Variants in TDRD7 observed in about 807,000 individuals in gnomAD.
TDRD7 encodes the protein tudor domain-containing protein 7.
In TDRD7, 47 loss-of-function variants were observed where a neutral mutation model predicts 109.8. The observed-to-expected ratio is 0.43, with a 90% CI of 0.34 to 0.55. The LOEUF (loss-of-function observed/expected upper bound fraction) is 0.55, where lower values mean the gene tolerates loss of function less well. TDRD7 is among the 20% of genes least tolerant of loss of function. The pLI is 0.03. For missense variants in TDRD7, 1,164 were observed against 1,319.2 expected (o/e 0.88, Z 1.82); for synonymous variants, 424 against 457.3 (o/e 0.93, Z 0.93).
chr9:97,417,475 G>T (rs973808076), intron 1 of TDRD7, among the ~76,000 whole-genome samples: 2 of 152,206 alleles, frequency 1.3e-5, no homozygotes, highest in African/African-American at 4.8e-5. Context: ...AAGAGATGTT[G>T]CTGACACGGA....
rs765068577 is a variant in TDRD7, at chr9:97,473,498, G to A, written c.1951G>A (p.Ala651Thr). Residue 651 changes from alanine to threonine, a missense_variant, in exon 11 of 17, where the codon GCC (alanine) becomes ACC (threonine). By Grantham distance (58) the Ala-to-Thr change is moderately conservative. Around this residue, in one of 5 missense-constraint regions of TDRD7, gnomAD observed 261 missense variants for 336.2 expected, o/e 0.78. Coordinates refer to ENST00000355295, the MANE Select transcript of TDRD7 (RefSeq NM_014290.3). Reference sequence around the variant, plus strand: ...TATCCTTTGTCTGTTATAGGTTGACGCCATGTACACAAATGTCAAAGTAAC... The same window carrying A: ...TATCCTTTGTCTGTTATAGGTTGACACCATGTACACAAATGTCAAAGTAAC... ...KSLEVHLQVD[A>T]MYTNVKVTNI... 24 of 1,613,388 alleles carry A rather than the reference G, an allele frequency of 1.5e-5. No homozygotes were observed. Among genetic ancestry groups the A allele is most frequent in the Non-Finnish European group, 1.9e-5 (22 of 1,179,622 alleles).
chr9:97,428,674 TAAG>T lies in TDRD7; in HGVS notation c.207+6_207+8del. 7 of 1,613,022 alleles carry T rather than the reference TAAG, an allele frequency of 4.3e-6. No individual in the cohort carries two copies. Among genetic ancestry groups the T allele is most frequent in the Non-Finnish European group, 5.9e-6 (7 of 1,179,712 alleles). On this transcript the variant is annotated splice_donor_5th_base_variant and intron_variant, in intron 2 of 16. Transcript: ENST00000355295. The stretch of plus-strand genomic sequence containing the variant: ...ATAGAGACTAGTAGATCTGGAGAGG[TAAG>T]AAGGTAATTGTGCGTGTCAGAAGAA...
intron 6 of TDRD7, among the ~76,000 whole-genome samples, chr9:97,451,414 C>A (rs1255789869): frequency 6.6e-6 from 1 of 152,102 alleles, no homozygotes; most frequent in Non-Finnish European, 1.5e-5. Context: ...CCCAGCCTTC[C>A]AAAGTGCTGG....
chr9:97,423,968 A>G (rs1827942287), intron 1 of TDRD7, among the ~76,000 whole-genome samples: 1 of 149,660 alleles, frequency 6.7e-6, no homozygotes, highest in Non-Finnish European at 1.5e-5. Flanking sequence ...AAAAGAATGT[A>G]TATTCTGCTG....
chr9:97,487,229 G>A lies in TDRD7; in HGVS notation c.2973G>A (p.Glu991=). Reference sequence around the variant, plus strand: ...CCAATGGACTGGTATCTGTGTATGAGCTGGATTATGGCAAACACGAATTAG... The same window carrying A: ...CCAATGGACTGGTATCTGTGTATGAACTGGATTATGGCAAACACGAATTAG... ...ILTNGLVSVY[E]LDYGKHELVN... The change falls in exon 16 of 17, where the codon GAG becomes GAA. Residue 991 remains glutamate, a synonymous_variant. Transcript: ENST00000355295. 2 of 1,613,942 alleles carry A rather than the reference G, an allele frequency of 1.2e-6. No homozygotes were observed. The highest frequency in any genetic ancestry group is 1.7e-6 in the Non-Finnish European group (2 of 1,179,912).
chr9:97,439,967 G>A (rs940922800), intron 5 of TDRD7, among the ~76,000 whole-genome samples: 2 of 152,044 alleles, frequency 1.3e-5, no homozygotes, highest in Admixed American at 6.6e-5. Flanking sequence ...TTTCGTATCA[G>A]TGCTTATAGT....
intron 1 of TDRD7, among the ~76,000 whole-genome samples, chr9:97,418,463 G>T (rs1268033519): frequency 6.6e-6 from 1 of 152,012 alleles, no homozygotes; most frequent in Admixed American, 6.6e-5. Context: ...GCAAAGCTTC[G>T]TACCTCACTC....
chr9:97,472,730 A>G (rs1247902467), intron 10 of TDRD7, among the ~76,000 whole-genome samples: 1 of 152,192 alleles, frequency 6.6e-6, no homozygotes, highest in African/African-American at 2.4e-5. Flanking sequence ...TATTGATTTT[A>G]TATGAGATTA....
chr9:97,474,661 T>G (rs972504720), intron 11 of TDRD7, among the ~76,000 whole-genome samples: 2 of 152,204 alleles, frequency 1.3e-5, no homozygotes, highest in Non-Finnish European at 2.9e-5. Flanking sequence ...TTGAAAAATC[T>G]GAAACCCCCA....
intron 13 of TDRD7, chr9:97,480,363 C>T (rs913660295): frequency 5.3e-5 from 11 of 207,022 alleles, no homozygotes; most frequent in Admixed American, 4.7e-4. Flanking sequence ...GCCTGGTACC[C>T]ACGAGGTACT....
intron 6 of TDRD7, among the ~76,000 whole-genome samples, chr9:97,454,184 A>T (rs1458346367): frequency 6.6e-6 from 1 of 152,220 alleles, no homozygotes; most frequent in Non-Finnish European, 1.5e-5. Flanking sequence ...AACTGAAATT[A>T]TAAAAAACAG....
At position 97,452,104 on chromosome 9, in the gene TDRD7, C is replaced by T. The variant is rs151335246; in HGVS notation, c.856-8074C>T. 8.1e-4 allele frequency among the ~76,000 whole-genome samples: 123 copies of T among 152,310 alleles called. 2 individuals carry two copies. Among genetic ancestry groups the T allele is most frequent in the Middle Eastern group, 6.8e-3 (2 of 294 alleles). ...CAGCTCATGCTTGTAATCCCAACTCCTTAGAAGGCTGAGGCAGGAGGATCA... is the reference window on the plus strand; with the variant it reads ...CAGCTCATGCTTGTAATCCCAACTCTTTAGAAGGCTGAGGCAGGAGGATCA... On this transcript the variant is annotated intron_variant, in intron 6 of 16. Transcript: ENST00000355295.
At chr9:97,413,478 A>G (rs1827758248) in intron 1 of TDRD7, among the ~76,000 whole-genome samples, 1 of 152,242 alleles carries the variant, frequency 6.6e-6, no homozygotes, top group African/African-American at 2.4e-5. Context: ...ATTGCCAAGC[A>G]GTATTCACTC....
At chr9:97,434,473 TAA>T (rs903851743) in intron 4 of TDRD7, among the ~76,000 whole-genome samples, 5 of 152,148 alleles carry the variant, frequency 3.3e-5, no homozygotes, top group African/African-American at 1.2e-4. Context: ...TGCAAATTGC[TAA>T]GAGTAGATTT....
intron 13 of TDRD7, among the ~76,000 whole-genome samples, chr9:97,478,836 C>T (rs1316710130): frequency 6.6e-6 from 1 of 152,122 alleles, no homozygotes; most frequent in Non-Finnish European, 1.5e-5. Flanking sequence ...TTACAGGTTC[C>T]ATTTTGATAA....
intron 1 of TDRD7, among the ~76,000 whole-genome samples, chr9:97,414,642 G>A (rs989865235): frequency 7.2e-5 from 11 of 152,048 alleles, no homozygotes; most frequent in Non-Finnish European, 8.8e-5. Context: ...ACGTACATTC[G>A]TGGTATGCAG....
chr9:97,446,153 C>G (rs1410278918), intron 6 of TDRD7, among the ~76,000 whole-genome samples: 1 of 152,106 alleles, frequency 6.6e-6, no homozygotes, highest in Non-Finnish European at 1.5e-5. Flanking sequence ...GCAACAATGA[C>G]TGCTGAACAC....
chr9:97,466,462 C>T (rs1177647676), intron 8 of TDRD7, among the ~76,000 whole-genome samples: 2 of 152,182 alleles, frequency 1.3e-5, no homozygotes, highest in African/African-American at 4.8e-5. Flanking sequence ...AACCATATGA[C>T]CCCTAAGGCC....
rs1212439377 is a variant in TDRD7, at chr9:97,478,391, G to C, written c.2167-48G>C. Reference sequence around the variant, plus strand: ...AAATGTAATTGCACAGAAGCATTTTGGTCTTTTGAATATGCTAATAAATGA... The same window carrying C: ...AAATGTAATTGCACAGAAGCATTTTCGTCTTTTGAATATGCTAATAAATGA... On this transcript the variant is annotated intron_variant, in intron 12 of 16. Transcript: ENST00000355295. 3 of 1,609,180 alleles carry C rather than the reference G, an allele frequency of 1.9e-6. No homozygotes were observed. In the South Asian group the frequency reaches 3.3e-5, roughly 18 times the overall value.
Sources: allele counts gnomAD v4.1 joint callset (sites outside exome capture counted in the v4.1 genomes callset), GRCh38; gene constraint gnomAD v4.1.1; regional missense constraint gnomAD v4.1.1; transcripts MANE v1.5; gene names NCBI Gene and HGNC (gene_info 2026-07-23, HGNC 2026-07-21).